UGGT2: variants seen among roughly 807,000 people sequenced by gnomAD.
UGGT2 encodes UDP-glucose:glycoprotein glucosyltransferase 2.
A neutral mutation model predicts 192.1 loss-of-function variants in UGGT2; 180 were observed. The observed-to-expected ratio is 0.94, with a 90% CI of 0.83 to 1.06. UGGT2 has a LOEUF of 1.06. UGGT2 is among the 50% of genes least tolerant of loss of function. The pLI, the probability that UGGT2 is intolerant of heterozygous loss-of-function variation, is 0.00. For missense variants in UGGT2, 1,849 were observed against 1,795.7 expected, an observed-to-expected ratio of 1.03 and a Z score of -0.54; for synonymous variants, 580 against 591.0, an observed-to-expected ratio of 0.98 and a Z score of 0.27.
At chr13:96,046,536 C>T (rs1236713626) in intron 1 of UGGT2, among the ~76,000 whole-genome samples, 1 of 152,202 alleles carries the variant, frequency 6.6e-6, no homozygotes, top group Non-Finnish European at 1.5e-5. Flanking sequence ...CAGCTCCTAG[C>T]ATGAGCGATG....
intron 38 of UGGT2, among the ~76,000 whole-genome samples, chr13:95,812,735 G>T (rs1884642527): frequency 6.6e-6 from 1 of 151,972 alleles, no homozygotes; most frequent in African/African-American, 2.4e-5. Flanking sequence ...TTGTTTAAAA[G>T]TGTGTGGTAT....
At chr13:95,964,884 A>C (rs911255941) in intron 12 of UGGT2, among the ~76,000 whole-genome samples, 1 of 152,236 alleles carries the variant, frequency 6.6e-6, no homozygotes, top group African/African-American at 2.4e-5. Flanking sequence ...CAATGAACTC[A>C]AACAAATTTA....
chr13:95,937,532 T>A lies in UGGT2; in HGVS notation c.1813-444A>T, dbSNP rs183428300. Among the ~76,000 whole-genome samples, 482 of 152,350 alleles carry A rather than the reference T, an allele frequency of 3.2e-3. 3 individuals are homozygous for A. The highest frequency in any genetic ancestry group is 0.011 in the African/African-American group (460 of 41,578). ...AGACTTATTTATCCCTGTATTTATA[T>A]GTTCAATAAACACTTATTCAATCCT... On this transcript the variant is annotated intron_variant, in intron 16 of 38. Coordinates refer to ENST00000376747, the MANE Select transcript of UGGT2 (RefSeq NM_020121.4).
At chr13:95,966,506 T>C (rs1002798948) in intron 12 of UGGT2, among the ~76,000 whole-genome samples, 3 of 152,098 alleles carry the variant, frequency 2.0e-5, no homozygotes, top group African/African-American at 4.8e-5. Context: ...AGGGTGACTA[T>C]AGTTAGCAGC....
At chr13:95,879,271 CTATA>C (rs1220580479) in intron 27 of UGGT2, among the ~76,000 whole-genome samples, 5 of 152,110 alleles carry the variant, frequency 3.3e-5, no homozygotes, top group African/African-American at 4.8e-5. Context: ...TCTCTTGTTC[CTATA>C]TATTTATATA....
At chr13:96,014,172 T>G (rs2052254109) in intron 4 of UGGT2, among the ~76,000 whole-genome samples, 1 of 152,214 alleles carries the variant, frequency 6.6e-6, no homozygotes, top group Non-Finnish European at 1.5e-5. Context: ...AAAGCCCATA[T>G]GTTTTGGCAA....
chr13:95,839,284 TTC>T (rs1329545249), intron 36 of UGGT2, among the ~76,000 whole-genome samples: 13 of 152,162 alleles, frequency 8.5e-5, no homozygotes, highest in African/African-American at 2.7e-4. Context: ...AGCTGATTAT[TTC>T]ACACACTGTC....
chr13:95,995,429 T>C (rs932150685), intron 7 of UGGT2: 2 of 152,110 alleles, frequency 1.3e-5, no homozygotes, highest in African/African-American at 4.8e-5. Context: ...TGAGTGGTTA[T>C]TAATTAAAGT....
At chr13:95,955,305 T>C (rs1425308178) in intron 12 of UGGT2, among the ~76,000 whole-genome samples, 1 of 152,164 alleles carries the variant, frequency 6.6e-6, no homozygotes, top group Non-Finnish European at 1.5e-5. Flanking sequence ...TTTTTACAAG[T>C]TACGTGCACC....
intron 5 of UGGT2, among the ~76,000 whole-genome samples, chr13:96,003,159 C>T (rs2051861673): frequency 1.3e-5 from 2 of 152,226 alleles, no homozygotes; most frequent in East Asian, 1.9e-4. Context: ...AGTTGCTTCC[C>T]TAAACTTATT....
intron 32 of UGGT2, 123 bp from the exon 33 acceptor site, chr13:95,859,798 G>A: frequency 1.5e-6 from 1 of 649,582 alleles, no homozygotes. Context: ...TTAAGTTCTG[G>A]GATACATGTG....
chr13:95,951,243 C>A lies in UGGT2; in HGVS notation c.1336-1789G>T, dbSNP rs549624344. Among the ~76,000 whole-genome samples the A allele has an allele frequency of 3.3e-3, 507 of 151,894 alleles. 4 individuals are homozygous for A. The highest frequency in any genetic ancestry group is 0.012 in the African/African-American group (480 of 41,428). On this transcript the variant is annotated intron_variant, in intron 12 of 38. Coordinates refer to ENST00000376747, the MANE Select transcript of UGGT2 (RefSeq NM_020121.4). ...AACAGATAAAAATTACAAAAAGAAC[C>A]AAATAAAAATTTTGGAATTCAAAAG...
chr13:95,947,407 CA>C (rs1172054664), intron 14 of UGGT2, among the ~76,000 whole-genome samples: 1 of 151,916 alleles, frequency 6.6e-6, no homozygotes, highest in Non-Finnish European at 1.5e-5. Context: ...CTAACATTAT[CA>C]AATGGCCATG....
chr13:95,936,790 C>T, intron 17 of UGGT2, 134 bp downstream of exon 17: 1 of 924,764 alleles, frequency 1.1e-6, no homozygotes, highest in Middle Eastern at 3.6e-4. Flanking sequence ...CTAAAAGTAT[C>T]ATTTTAAAAA....
chr13:96,046,822 T>C (rs1377944097), intron 1 of UGGT2, among the ~76,000 whole-genome samples: 1 of 152,172 alleles, frequency 6.6e-6, no homozygotes, highest in Non-Finnish European at 1.5e-5. Context: ...GGAGATTATA[T>C]CCTGCGCATG....
intron 34 of UGGT2, among the ~76,000 whole-genome samples, chr13:95,854,891 GA>G (rs1458027792): frequency 6.6e-6 from 1 of 151,764 alleles, no homozygotes; most frequent in Admixed American, 6.6e-5. Context: ...GAATCATAAA[GA>G]AAAATCTCCC....
rs530026062 is a variant in UGGT2 at position 95,986,490 on chromosome 13, T to G, written c.932-58A>C. The G allele has an allele frequency of 1.1e-4, 135 of 1,247,816 alleles. 4 individuals are homozygous for G. The South Asian group carries it at 1.8e-3, about 17-fold the overall frequency. 77.3% of individuals were successfully genotyped at this position (1,247,816 alleles called of 1,614,324 possible). ...ATAATATTAGACCTTTATAGACATT[T>G]CCATGAAATTGAAATACTTGACTCA... On this transcript the variant is annotated intron_variant, in intron 8 of 38. Coordinates refer to ENST00000376747, the MANE Select transcript of UGGT2 (RefSeq NM_020121.4).
Position 95,860,889 on chromosome 13 carries a change from A to T in UGGT2, c.3645-6T>A. On this transcript the variant is annotated splice_polypyrimidine_tract_variant and splice_region_variant and intron_variant, in intron 31 of 38. Transcript: ENST00000376747. ...TATGCAAGCTTACTGTGAAACTTGG[A>T]ATAAAAAAGTAATTGACATTTCTTA... 1 of 1,529,652 alleles carries T rather than the reference A, an allele frequency of 6.5e-7. No homozygotes were observed. Among genetic ancestry groups the T allele is most frequent in the Non-Finnish European group, 8.8e-7 (1 of 1,135,334 alleles). 94.8% of individuals were successfully genotyped at this position (1,529,652 alleles called of 1,614,324 possible). A position where few individuals can be genotyped will look rare whatever the true frequency, so the allele number is the denominator to read the frequency against.
intron 36 of UGGT2, among the ~76,000 whole-genome samples, chr13:95,845,131 G>A (rs1231311453): frequency 6.6e-6 from 1 of 151,856 alleles, no homozygotes; most frequent in Admixed American, 6.6e-5. Flanking sequence ...TTGCATTCCT[G>A]GGATAAAGTT....
Sources: gnomAD v4.1 joint callset for allele counts (sites outside exome capture counted in the v4.1 genomes callset) on GRCh38, gnomAD v4.1.1 for gene constraint, MANE v1.5 for transcripts, NCBI Gene and HGNC (gene_info 2026-07-23, HGNC 2026-07-21) for gene names.